Variants in PRDM10 observed in about 807,000 individuals in gnomAD.
The protein encoded by PRDM10 is PR/SET domain 10, also known as PR domain zinc finger protein 10.
A neutral mutation model predicts 133.1 loss-of-function variants in PRDM10; 65 were observed. The observed-to-expected ratio is 0.49, with a 90% CI of 0.40 to 0.60. The LOEUF (loss-of-function observed/expected upper bound fraction) is 0.60, where lower values mean the gene tolerates loss of function less well. Among genes scored for constraint, PRDM10 ranks in the 20% least tolerant of loss-of-function variants. The probability of loss-of-function intolerance (pLI) is 0.00; values close to 1 mark genes in which losing one functional copy is unlikely to be tolerated. For synonymous variants in PRDM10, 582 were observed against 580.4 expected (o/e 1.00, Z -0.04); for missense variants, 1,137 against 1,507.1 (o/e 0.75, Z 4.07).
chr11:129,994,337 T>A lies in PRDM10; in HGVS notation c.-119+8385A>T, dbSNP rs535512793. Reference sequence around the variant, plus strand: ...AAAATTAGCCAGGCGTGGTGGTGGGTGCCTGTAATCCCAGCTACTCAGGAG... The same window carrying A: ...AAAATTAGCCAGGCGTGGTGGTGGGAGCCTGTAATCCCAGCTACTCAGGAG... On this transcript the variant is annotated intron_variant, in intron 1 of 20. Coordinates refer to ENST00000360871, the MANE Select transcript of PRDM10 (RefSeq NM_199437.2). 1.3e-4 allele frequency among the ~76,000 whole-genome samples: 17 copies of A among 134,044 alleles called. No individual in the cohort carries two copies. In the East Asian group the frequency reaches 2.9e-3, roughly 23 times the overall value. 87.9% of individuals were successfully genotyped at this position (134,044 alleles called of 152,430 possible). A position where few individuals can be genotyped will look rare whatever the true frequency, so the allele number is the denominator to read the frequency against.
At chr11:129,980,156 A>T (rs907798345) in intron 1 of PRDM10, among the ~76,000 whole-genome samples, 2 of 152,222 alleles carry the variant, frequency 1.3e-5, no homozygotes, top group African/African-American at 4.8e-5. Context: ...ACAATTAAAC[A>T]TCATAGTTAC....
At chr11:129,932,343 A>C in intron 9 of PRDM10, 112 bp from the exon 10 acceptor site, 1 of 1,318,420 alleles carries the variant, frequency 7.6e-7, no homozygotes, top group Non-Finnish European at 1.0e-6. Context: ...TCACCTTATT[A>C]CTTTCCCAGA....
chr11:129,949,630 C>G (rs1951527279), intron 4 of PRDM10, among the ~76,000 whole-genome samples: 1 of 152,154 alleles, frequency 6.6e-6, no homozygotes, highest in African/African-American at 2.4e-5. Flanking sequence ...TTATCAAACT[C>G]TAAAAAGAGG....
At chr11:129,979,162 G>A (rs561391721) in intron 1 of PRDM10, among the ~76,000 whole-genome samples, 6 of 152,296 alleles carry the variant, frequency 3.9e-5, no homozygotes, top group Non-Finnish European at 7.3e-5. Context: ...ATTTCACAAA[G>A]AAATCTGTCA....
intron 4 of PRDM10, among the ~76,000 whole-genome samples, chr11:129,951,063 A>G (rs1951569186): frequency 6.6e-6 from 1 of 152,242 alleles, no homozygotes; most frequent in African/African-American, 2.4e-5. Flanking sequence ...ACTGCTGTGG[A>G]AAAGGAACGG....
intron 1 of PRDM10, among the ~76,000 whole-genome samples, chr11:129,969,466 TATAAAG>T (rs1182884928): frequency 2.0e-5 from 3 of 152,144 alleles, no homozygotes; most frequent in Non-Finnish European, 4.4e-5. Context: ...CTTCTTCATA[TATAAAG>T]ATAAAGAACT....
rs1188360841 is a variant in PRDM10, at chr11:129,932,360, C to T, written c.1158-129G>A. On this transcript the variant is annotated intron_variant, in intron 9 of 20. Transcript: ENST00000360871. ...ACCTTATTACTTTCCCAGATTTTCTCCAATAGAAACAACTGTTTTACTAAT... is the reference window on the plus strand; with the variant it reads ...ACCTTATTACTTTCCCAGATTTTCTTCAATAGAAACAACTGTTTTACTAAT... 3 of 1,185,940 alleles carry T rather than the reference C, an allele frequency of 2.5e-6. No individual in the cohort carries two copies. The Admixed American group carries it at 9.2e-5, about 36-fold the overall frequency. The allele number at this position is 1,185,940 out of a possible 1,614,324, so 73.5% of individuals were successfully genotyped here. A position where few individuals can be genotyped will look rare whatever the true frequency, so the allele number is the denominator to read the frequency against.
chr11:129,961,603 G>A (rs1217410447), intron 1 of PRDM10, among the ~76,000 whole-genome samples: 1 of 147,756 alleles, frequency 6.8e-6, no homozygotes, highest in Non-Finnish European at 1.5e-5. Context: ...ACCACACCCG[G>A]CCAATCCCAG....
intron 1 of PRDM10, among the ~76,000 whole-genome samples, chr11:129,972,575 C>T (rs1952055860): frequency 2.0e-5 from 3 of 152,144 alleles, no homozygotes; most frequent in Non-Finnish European, 2.9e-5. Context: ...TATAAAATCA[C>T]GTCAAGTTCA....
chr11:130,002,494 G>A (rs2136024698), intron 1 of PRDM10, among the ~76,000 whole-genome samples: 1 of 152,236 alleles, frequency 6.6e-6, no homozygotes, highest in East Asian at 1.9e-4. Context: ...CCCAGCCCCG[G>A]CTGGACTGTA....
chr11:129,975,193 G>T (rs200566223), intron 1 of PRDM10, among the ~76,000 whole-genome samples: 1 of 152,234 alleles, frequency 6.6e-6, no homozygotes, highest in South Asian at 2.1e-4. Flanking sequence ...TTGGGAGGCC[G>T]AGGCAGGTGA....
rs533928760 is a variant in PRDM10 at position 129,959,848 on chromosome 11, G to T, written c.69+1048C>A. ...GGCTAGAGTGTAGTGGTGCAGTCAT[G>T]GTTCACTGCAGCCTCCACCTCCTAG... is the stretch of plus-strand genomic sequence containing the variant. On this transcript the variant is annotated intron_variant, in intron 2 of 20. Transcript: ENST00000360871. Among the ~76,000 whole-genome samples, 8 of 151,892 alleles carry T rather than the reference G, an allele frequency of 5.3e-5. No individual in the cohort carries two copies. In the South Asian group the frequency reaches 1.7e-3, roughly 32 times the overall value.
intron 13 of PRDM10, among the ~76,000 whole-genome samples, chr11:129,919,026 C>A (rs1026672408): frequency 2.0e-4 from 30 of 152,146 alleles, no homozygotes; most frequent in African/African-American, 7.2e-4. Flanking sequence ...CGGAACAAGC[C>A]TGGCATAAAA....
intron 1 of PRDM10, among the ~76,000 whole-genome samples, chr11:129,970,180 G>A (rs891777610): frequency 1.3e-5 from 2 of 152,168 alleles, no homozygotes; most frequent in Non-Finnish European, 2.9e-5. Flanking sequence ...TTATGAACCA[G>A]GCATGTTCCC....
intron 20 of PRDM10, among the ~76,000 whole-genome samples, chr11:129,903,847 C>T (rs1424095673): frequency 6.6e-6 from 1 of 152,026 alleles, no homozygotes; most frequent in Non-Finnish European, 1.5e-5. Context: ...GTCCATAGGT[C>T]AGCTGCAAAA....
At chr11:129,994,520 C>G (rs1167637662) in intron 1 of PRDM10, among the ~76,000 whole-genome samples, 5 of 151,382 alleles carry the variant, frequency 3.3e-5, no homozygotes, top group Non-Finnish European at 7.4e-5. Flanking sequence ...CACCTGTAAC[C>G]CCAGCTACTC....
chr11:129,981,849 T>A (rs576491025), intron 1 of PRDM10, among the ~76,000 whole-genome samples: 45 of 152,050 alleles, frequency 3.0e-4, no homozygotes, highest in African/African-American at 9.4e-4. Flanking sequence ...TGAGCCGAGA[T>A]CGCATTACTG....
At chr11:129,985,021 C>T (rs1938333418) in intron 1 of PRDM10, among the ~76,000 whole-genome samples, 2 of 152,174 alleles carry the variant, frequency 1.3e-5, no homozygotes, top group African/African-American at 4.8e-5. Context: ...AGTATGTGTG[C>T]ACTACCTGTC....
chr11:130,002,462 C>T (rs1223206424), intron 1 of PRDM10, among the ~76,000 whole-genome samples: 1 of 152,142 alleles, frequency 6.6e-6, no homozygotes, highest in East Asian at 1.9e-4. Flanking sequence ...TTTGACCCCC[C>T]ACCCCGAGTG....
Sources: gnomAD v4.1 joint callset for allele counts (sites outside exome capture counted in the v4.1 genomes callset) on GRCh38, gnomAD v4.1.1 for gene constraint, MANE v1.5 for transcripts, NCBI Gene and HGNC (gene_info 2026-07-23, HGNC 2026-07-21) for gene names.